Variants in RNF168 observed in about 807,000 individuals in gnomAD.
The protein encoded by RNF168 is E3 ubiquitin-protein ligase RNF168.
RNF168 carries 34 observed loss-of-function variants against 34.9 expected under a neutral mutation model. The observed-to-expected ratio is 0.97, with a 90% confidence interval of 0.74 to 1.30. RNF168 has a LOEUF of 1.30. Among genes scored for constraint, RNF168 ranks in the 50% most tolerant of loss-of-function variants. The probability of loss-of-function intolerance (pLI) is 0.00; values close to 1 mark genes in which losing one functional copy is unlikely to be tolerated. For missense variants in RNF168, 725 were observed against 682.5 expected, an observed-to-expected ratio of 1.06 and a Z score of -0.69; for synonymous variants, 264 against 254.7, an observed-to-expected ratio of 1.04 and a Z score of -0.35.
intron 3 of RNF168, among the ~76,000 whole-genome samples, chr3:196,485,436 T>C (rs1252940456): frequency 1.3e-5 from 2 of 151,588 alleles, no homozygotes; most frequent in African/African-American, 4.9e-5. Context: ...GAACCGGGAG[T>C]TGAGGTTGCA....
In RNF168 at chr3:196,471,460, G is replaced by A. The variant is rs1217251723; in HGVS notation, c.*359C>T. ...TAATCACTCAGAATAGTATAATCTT[G>A]CTTTGATTACCAGTCACGACAAAAA... On this transcript the variant is annotated 3_prime_UTR_variant, in exon 6 of 6. Coordinates refer to ENST00000318037, the MANE Select transcript of RNF168 (RefSeq NM_152617.4). 10 of 255,720 alleles carry A rather than the reference G, an allele frequency of 3.9e-5. No homozygotes were observed. The highest frequency in any genetic ancestry group is 6.9e-5 in the Non-Finnish European group (9 of 129,730). The allele number at this position is 255,720 out of a possible 1,614,324, so 15.8% of individuals were successfully genotyped here.
At position 196,487,480 on chromosome 3, in the gene RNF168, T is replaced by C. The variant is rs372157475; in HGVS notation, c.477A>G (p.Arg159=). Residue 159 remains arginine (R), a synonymous_variant, in exon 3 of 6, where the codon AGA becomes AGG. Transcript: ENST00000318037. ...LLAEEEEEEK[R]QAEKRRRAME... ...TCGCTCTTCGCCTTTTTTCTGCCTG[T>C]CTTTTTTCCTCTTCTTCCTCCTCTG... The C allele has an allele frequency of 7.4e-6, 12 of 1,614,032 alleles. No homozygotes were observed. The highest frequency in any genetic ancestry group is 1.0e-5 in the Non-Finnish European group (12 of 1,179,940).
At chr3:196,480,009 G>A (rs765861431) in intron 4 of RNF168, among the ~76,000 whole-genome samples, 18 of 152,146 alleles carry the variant, frequency 1.2e-4, no homozygotes, top group Non-Finnish European at 1.8e-4. Flanking sequence ...GCACGGTCAC[G>A]GGGAGGGGGA....
At chr3:196,501,082 G>C (rs1203771138) in intron 1 of RNF168, among the ~76,000 whole-genome samples, 1 of 152,210 alleles carries the variant, frequency 6.6e-6, no homozygotes, top group East Asian at 1.9e-4. Context: ...AATAACAAGT[G>C]TTGGTGAGGA....
chr3:196,485,715 G>C (rs1732406537), intron 3 of RNF168, among the ~76,000 whole-genome samples: 1 of 151,888 alleles, frequency 6.6e-6, no homozygotes, highest in Non-Finnish European at 1.5e-5. Context: ...ATTAATGGTA[G>C]GCCTCTCAAA....
chr3:196,500,392 G>A (rs984503030), intron 1 of RNF168, among the ~76,000 whole-genome samples: 1 of 152,292 alleles, frequency 6.6e-6, no homozygotes, highest in Non-Finnish European at 1.5e-5. Context: ...AGGTAAAACA[G>A]GCCAGACACA....
intron 1 of RNF168, among the ~76,000 whole-genome samples, chr3:196,495,372 T>G (rs1732716019): frequency 6.6e-6 from 1 of 152,226 alleles, no homozygotes; most frequent in Non-Finnish European, 1.5e-5. Context: ...ACTATCCCCA[T>G]GTCTTTAATA....
chr3:196,489,905 C>A (rs907172058), intron 1 of RNF168, among the ~76,000 whole-genome samples: 17 of 152,166 alleles, frequency 1.1e-4, no homozygotes, highest in Non-Finnish European at 1.8e-4. Context: ...CAGGTGCACA[C>A]ACGCATATTT....
In RNF168 at chr3:196,469,567, T is replaced by A. The variant is rs976558286; in HGVS notation, c.*2252A>T. 1 of 152,216 alleles carries A rather than the reference T, an allele frequency of 6.6e-6. No homozygotes were observed. Among genetic ancestry groups the A allele is most frequent in the Non-Finnish European group, 1.5e-5 (1 of 68,038 alleles). The allele number at this position is 152,216 out of a possible 1,614,324, so 9.4% of individuals were successfully genotyped here. On this transcript the variant is annotated 3_prime_UTR_variant, in exon 6 of 6. Transcript: ENST00000318037. ...CATTAAAAGAATAGATTACTAGATA[T>A]CAGCAGAAATGCTGTTAAAGCTATT...
chr3:196,489,385 G>A (rs1458879116), intron 1 of RNF168, among the ~76,000 whole-genome samples: 3 of 151,290 alleles, frequency 2.0e-5, no homozygotes, highest in African/African-American at 7.3e-5. Context: ...GGAGTGCAGT[G>A]GTGCAATCTC....
intron 4 of RNF168, among the ~76,000 whole-genome samples, chr3:196,476,530 C>G (rs777217847): frequency 2.0e-5 from 3 of 151,898 alleles, no homozygotes; most frequent in Non-Finnish European, 4.4e-5. Flanking sequence ...ATTCTCCTGC[C>G]TCAGCCTCCT....
At position 196,471,716 on chromosome 3, in the gene RNF168, G is replaced by T; in HGVS notation, c.*103C>A. The T allele has an allele frequency of 1.2e-6, 1 of 805,296 alleles. No homozygotes were observed. The highest frequency in any genetic ancestry group is 1.9e-5 in the Admixed American group (1 of 52,782). 49.9% of individuals were successfully genotyped at this position (805,296 alleles called of 1,614,324 possible). On this transcript the variant is annotated 3_prime_UTR_variant, in exon 6 of 6. Transcript: ENST00000318037. ...GACCTTCATTAAGGACAATGAGTGT[G>T]CCTAGAGAGCAGCATGAATGACACA...
At chr3:196,478,104 T>C (rs972031786) in intron 4 of RNF168, among the ~76,000 whole-genome samples, 1 of 152,184 alleles carries the variant, frequency 6.6e-6, no homozygotes, top group African/African-American at 2.4e-5. Flanking sequence ...ACAGGAAATA[T>C]ATGTCATCAA....
In RNF168 at chr3:196,487,424, A is replaced by C. The variant is rs1732482409; in HGVS notation, c.533T>G (p.Leu178Arg). ...AATATCAATGCTTAGCTTTCTTGCC[A>C]GTTCCTCATCACTTTTCAGTTGTTC... Reference protein sequence around the residue: ...MEEQLKSDEELARKLSIDINN... With the variant: ...MEEQLKSDEERARKLSIDINN... The change falls in exon 3 of 6, where the codon CTG (leucine) becomes CGG (arginine). Residue 178 changes from leucine (L) to arginine (R), a missense_variant. Physicochemically the swap from Leu to Arg is moderately radical, Grantham distance 102. Coordinates refer to ENST00000318037, the MANE Select transcript of RNF168 (RefSeq NM_152617.4). 1 of 1,614,138 alleles carries C rather than the reference A, an allele frequency of 6.2e-7. No individual in the cohort carries two copies. The highest frequency in any genetic ancestry group is 8.5e-7 in the Non-Finnish European group (1 of 1,179,984).
chr3:196,482,538 C>T (rs980518604), intron 4 of RNF168, among the ~76,000 whole-genome samples: 2 of 152,206 alleles, frequency 1.3e-5, no homozygotes, highest in Non-Finnish European at 2.9e-5. Flanking sequence ...TCTGCAGCCA[C>T]GATACCACTT....
intron 5 of RNF168, 104 bp from the exon 6 acceptor site, chr3:196,472,876 A>G (rs1732047151): frequency 1.5e-6 from 1 of 684,900 alleles, no homozygotes. Context: ...ACTATACATT[A>G]TTATTACTAA....
At position 196,487,472 on chromosome 3, in the gene RNF168, T is replaced by C; in HGVS notation, c.485A>G (p.Glu162Gly). ...TTCTTCCATCGCTCTTCGCCTTTTT[T>C]CTGCCTGTCTTTTTTCCTCTTCTTC... ...EEEEEEKRQA[E>G]KRRRAMEEQL... is the part of the protein sequence containing the mutation. The change falls in exon 3 of 6, where the codon GAA becomes GGA. Residue 162 changes from glutamate to glycine, a missense_variant. Coordinates refer to ENST00000318037, the MANE Select transcript of RNF168 (RefSeq NM_152617.4). 6.2e-7 allele frequency: 1 copy of C among 1,614,212 alleles called. No individual in the cohort carries two copies.
At chr3:196,487,209 A>C (rs1247449324) in intron 3 of RNF168, among the ~76,000 whole-genome samples, 190 bp downstream of exon 3, 1 of 152,228 alleles carries the variant, frequency 6.6e-6, no homozygotes, top group Non-Finnish European at 1.5e-5. Flanking sequence ...AAGCAATCGG[A>C]ATGTTAATAG....
At position 196,503,002 on chromosome 3, in the gene RNF168, C is replaced by A. The variant is rs749629381; in HGVS notation, c.172G>T (p.Val58Leu). Residue 58 changes from valine (V) to leucine (L), a missense_variant, in exon 1 of 6, where the codon GTA becomes TTA. Coordinates refer to ENST00000318037, the MANE Select transcript of RNF168 (RefSeq NM_152617.4). The part of the protein sequence containing the change: ...SLCCPFCRRR[V>L]SSWTRYHTRR... ...GTATGGTACCGAGTCCACGACGATA[C>A]CCGGCGGCGACAGAAGGGACAGCAT... 4 of 1,614,064 alleles carry A rather than the reference C, an allele frequency of 2.5e-6. No individual in the cohort carries two copies. Among genetic ancestry groups the A allele is most frequent in the East Asian group, 4.5e-5 (2 of 44,860 alleles).
Sources: gnomAD v4.1 joint callset for allele counts (sites outside exome capture counted in the v4.1 genomes callset) on GRCh38, gnomAD v4.1.1 for gene constraint, MANE v1.5 for transcripts, NCBI Gene and HGNC (gene_info 2026-07-23, HGNC 2026-07-21) for gene names.